The following ERBB4 variants were observed in gnomAD, a reference collection of about 807,000 sequenced individuals.
The protein encoded by ERBB4 is erb-b2 receptor tyrosine kinase 4, also known as receptor tyrosine-protein kinase erbB-4.
A neutral mutation model predicts 158.0 loss-of-function variants in ERBB4; 42 were observed. That is an observed-to-expected ratio of 0.27 (90% CI 0.21 to 0.34). ERBB4 has a LOEUF of 0.34. Ranked by LOEUF, ERBB4 falls within the 10% of genes least tolerant of loss-of-function variation. ERBB4 has a pLI of 1.00. For synonymous variants in ERBB4, 583 were observed against 558.7 expected (o/e 1.04, Z -0.61); for missense variants, 1,333 against 1,624.1 (o/e 0.82, Z 3.08).
At chr2:212,461,717 C>T (rs183951253) in intron 1 of ERBB4, among the ~76,000 whole-genome samples, 1 of 152,100 alleles carries the variant, frequency 6.6e-6, no homozygotes, top group Admixed American at 6.5e-5. Flanking sequence ...AAGGGCAGAA[C>T]GATATAGTTT....
intron 1 of ERBB4, among the ~76,000 whole-genome samples, chr2:212,303,454 A>T (rs770544440): frequency 6.9e-6 from 1 of 143,956 alleles, no homozygotes; most frequent in Non-Finnish European, 1.6e-5. Flanking sequence ...TTCTACTGAT[A>T]TTTGATCCTT....
chr2:212,368,814 G>A (rs764731961), intron 1 of ERBB4, among the ~76,000 whole-genome samples: 1 of 151,990 alleles, frequency 6.6e-6, no homozygotes, highest in Non-Finnish European at 1.5e-5. Context: ...TGGGAGATAT[G>A]GCCTATTCTC....
chr2:212,083,502 A>G (rs1642183821), intron 2 of ERBB4, among the ~76,000 whole-genome samples: 1 of 151,954 alleles, frequency 6.6e-6, no homozygotes, highest in African/African-American at 2.4e-5. Context: ...ACTAAATTGG[A>G]AGGCACCATA....
Position 212,221,188 on chromosome 2 carries a change from G to C in ERBB4, c.83-96285C>G, listed in dbSNP as rs1217515573. Among the ~76,000 whole-genome samples, 5 of 151,478 alleles carry C rather than the reference G, an allele frequency of 3.3e-5. No individual in the cohort carries two copies. In the Admixed American group the frequency reaches 3.3e-4, roughly 10 times the overall value. ...ACAATGAAAGTGCTTGGAGTTTATA[G>C]TGTTAGGGGCCACAGATCTGTAATG... On this transcript the variant is annotated intron_variant, in intron 1 of 27. Transcript: ENST00000342788.
chr2:212,028,148 G>A lies in ERBB4; in HGVS notation c.235-80532C>T, dbSNP rs539246004. Among the ~76,000 whole-genome samples, 3 of 152,100 alleles carry A rather than the reference G, an allele frequency of 2.0e-5. No individual in the cohort carries two copies. In the East Asian group the frequency reaches 5.8e-4, roughly 29 times the overall value. ...CCCCTGATTTTTTTTCAGGCTTCAA[G>A]TTGTGTGTGTTATGTGATGTCCTGT... On this transcript the variant is annotated intron_variant, in intron 2 of 27. Coordinates refer to ENST00000342788, the MANE Select transcript of ERBB4 (RefSeq NM_005235.3).
intron 1 of ERBB4, among the ~76,000 whole-genome samples, chr2:212,285,606 G>T (rs1162827972): frequency 6.6e-6 from 1 of 151,950 alleles, no homozygotes; most frequent in Non-Finnish European, 1.5e-5. Flanking sequence ...AGTCAACCTG[G>T]ATTAAAAATC....
chr2:211,840,999 A>T (rs947568487), intron 3 of ERBB4, among the ~76,000 whole-genome samples: 1 of 152,106 alleles, frequency 6.6e-6, no homozygotes, highest in African/African-American at 2.4e-5. Context: ...GCATATACCA[A>T]TATGTGCTTA....
intron 2 of ERBB4, among the ~76,000 whole-genome samples, chr2:212,027,525 T>G (rs12478950): frequency 1.3e-5 from 2 of 152,082 alleles, no homozygotes; most frequent in Admixed American, 6.6e-5. Context: ...TTGATCAATT[T>G]TGTAAATCAA....
chr2:211,843,846 A>T (rs1363422990), intron 3 of ERBB4, among the ~76,000 whole-genome samples: 3 of 152,072 alleles, frequency 2.0e-5, no homozygotes, highest in African/African-American at 7.2e-5. Context: ...TAAAAATCTA[A>T]GCAGGTTTGA....
intron 19 of ERBB4, among the ~76,000 whole-genome samples, chr2:211,586,994 T>C (rs887105579): frequency 1.3e-5 from 2 of 152,148 alleles, no homozygotes; most frequent in Admixed American, 6.5e-5. Flanking sequence ...CAACTTATGA[T>C]TGGGTTATGT....
chr2:211,547,674 T>C (rs1017510523), intron 20 of ERBB4, among the ~76,000 whole-genome samples: 1 of 152,014 alleles, frequency 6.6e-6, no homozygotes, highest in Non-Finnish European at 1.5e-5. Flanking sequence ...CAAAAAGTTA[T>C]GACTAACAGA....
At chr2:212,053,981 T>C (rs764453985) in intron 2 of ERBB4, among the ~76,000 whole-genome samples, 3 of 152,156 alleles carry the variant, frequency 2.0e-5, no homozygotes, top group Non-Finnish European at 2.9e-5. Context: ...ATAAATATGA[T>C]GGCAGCTGAG....
rs2082243698 is a variant in ERBB4 at position 212,191,816 on chromosome 2, TATA to T, written c.83-66916_83-66914del. 1.1e-4 allele frequency among the ~76,000 whole-genome samples: 15 copies of T among 138,440 alleles called. No homozygotes were observed. The South Asian group carries it at 3.3e-3, about 30-fold the overall frequency. 90.8% of individuals were successfully genotyped at this position (138,440 alleles called of 152,430 possible). A position where few individuals can be genotyped will look rare whatever the true frequency, so the allele number is the denominator to read the frequency against. ...TCTATATGTTATATATAATACATGT[TATA>T]TATGTTCTATGTTATATATAATACA... On this transcript the variant is annotated intron_variant, in intron 1 of 27. Coordinates refer to ENST00000342788, the MANE Select transcript of ERBB4 (RefSeq NM_005235.3).
rs890388604 is a variant in ERBB4 at position 211,420,639 on chromosome 2, A to C, written c.2965-28T>G. 3.1e-6 allele frequency: 5 copies of C among 1,589,648 alleles called. No homozygotes were observed. The African/African-American group carries it at 6.8e-5, about 22-fold the overall frequency. ...AAAAGAAAGATTGCCCATCAGACACAAATATGATTCTTTCTTATCTTAAAT... is the reference window on the plus strand; with the variant it reads ...AAAAGAAAGATTGCCCATCAGACACCAATATGATTCTTTCTTATCTTAAAT... On this transcript the variant is annotated intron_variant, in intron 24 of 27. Transcript: ENST00000342788.
chr2:212,229,401 G>A (rs1053787369), intron 1 of ERBB4, among the ~76,000 whole-genome samples: 9 of 152,150 alleles, frequency 5.9e-5, no homozygotes, highest in Admixed American at 6.6e-5. Context: ...GCTCTAGGTA[G>A]AAGGAAACAT....
chr2:212,214,687 C>G (rs565923918), intron 1 of ERBB4, among the ~76,000 whole-genome samples: 9 of 102,046 alleles, frequency 8.8e-5, no homozygotes, highest in South Asian at 2.6e-4. Flanking sequence ...TTTGGAAAAC[C>G]CTTTGGCAAT....
chr2:211,726,229 C>G (rs1423045749), intron 5 of ERBB4, among the ~76,000 whole-genome samples: 1 of 152,100 alleles, frequency 6.6e-6, no homozygotes. Context: ...ATTAGCATTC[C>G]CCAGACCTGT....
At chr2:212,384,605 C>T (rs2090612892) in intron 1 of ERBB4, among the ~76,000 whole-genome samples, 1 of 151,584 alleles carries the variant, frequency 6.6e-6, no homozygotes, top group African/African-American at 2.4e-5. Context: ...TTAATAGCTA[C>T]ATTTTAGTTT....
At chr2:211,851,399 TTTTAAAATATAA>T (rs1411786709) in intron 3 of ERBB4, among the ~76,000 whole-genome samples, 1 of 151,894 alleles carries the variant, frequency 6.6e-6, no homozygotes, top group African/African-American at 2.4e-5. Flanking sequence ...CAGAAAATAA[TTTTAAAATATAA>T]CTAGGTCAAA....
Sources: gnomAD v4.1 joint callset for allele counts (sites outside exome capture counted in the v4.1 genomes callset) on GRCh38, gnomAD v4.1.1 for gene constraint, MANE v1.5 for transcripts, NCBI Gene and HGNC (gene_info 2026-07-23, HGNC 2026-07-21) for gene names.